The following IQSEC1 variants were observed in gnomAD, a reference collection of about 807,000 sequenced individuals.
IQSEC1 encodes IQ motif and SEC7 domain-containing protein 1.
A neutral mutation model predicts 91.0 loss-of-function variants in IQSEC1; 31 were observed. That is an observed-to-expected ratio of 0.34 (90% CI 0.26 to 0.46). The LOEUF is 0.46. IQSEC1 is among the 20% of genes least tolerant of loss of function. IQSEC1 has a pLI of 1.00. For missense variants in IQSEC1, 1,388 were observed against 1,575.6 expected (o/e 0.88, Z 2.02); for synonymous variants, 699 against 662.6 (o/e 1.05, Z -0.84).
In IQSEC1 at chr3:12,901,406, C is replaced by G; in HGVS notation, c.2922G>C (p.Gly974=). Residue 974 remains glycine, a synonymous_variant, in exon 14 of 14, where the codon GGG becomes GGC. Coordinates refer to ENST00000613206, the MANE Select transcript of IQSEC1 (RefSeq NM_001134382.3). The part of the protein sequence containing the change: ...NSSSLLGSLF[G]SKRGKPPPQA... ...GGGGAGGGGGCTTCCCTCTCTTGCT[C>G]CCGAATAAGGAGCCCAGGAGGGAAG... 6.5e-7 allele frequency: 1 copy of G among 1,545,850 alleles called. No homozygotes were observed. Among genetic ancestry groups the G allele is most frequent in the Non-Finnish European group, 8.7e-7 (1 of 1,146,422 alleles).
intron 1 of IQSEC1, among the ~76,000 whole-genome samples, chr3:13,031,142 C>A (rs1703827896): frequency 6.6e-6 from 1 of 152,222 alleles, no homozygotes; most frequent in African/African-American, 2.4e-5. Flanking sequence ...TAAAAACTGC[C>A]CCGTTTTTGT....
intron 2 of IQSEC1, among the ~76,000 whole-genome samples, chr3:13,095,561 C>T (rs1032087858): frequency 2.0e-5 from 3 of 152,206 alleles, no homozygotes; most frequent in South Asian, 2.1e-4. Context: ...ATAATCATTG[C>T]CACTCCCCCC....
At chr3:13,238,847 C>T (rs562767872) in intron 1 of IQSEC1, among the ~76,000 whole-genome samples, 1 of 152,318 alleles carries the variant, frequency 6.6e-6, no homozygotes, top group East Asian at 1.9e-4. Context: ...CCTGGGAGGG[C>T]TCTGGCCATT....
At chr3:13,028,455 C>A (rs777534783) in intron 1 of IQSEC1, among the ~76,000 whole-genome samples, 4 of 152,156 alleles carry the variant, frequency 2.6e-5, no homozygotes, top group Non-Finnish European at 4.4e-5. Flanking sequence ...GAAACAGGAT[C>A]CTGAGCAGCT....
rs541272054 is a variant in IQSEC1, at chr3:13,207,746, G to A, written c.273-43613C>T. On this transcript the variant is annotated intron_variant, in intron 1 of 15. Transcript: ENST00000648114. This position sits in a 1 kb window ranked among gnomAD's most constrained non-coding sequence, Gnocchi z 4.8. Reference sequence around the variant, plus strand: ...CGGCCACGCCATCGCCAGCTCTCCCGGGAGGCTCTCTCTCACCATCGCATC... The same window carrying A: ...CGGCCACGCCATCGCCAGCTCTCCCAGGAGGCTCTCTCTCACCATCGCATC... 4.6e-5 allele frequency among the ~76,000 whole-genome samples: 7 copies of A among 152,236 alleles called. No homozygotes were observed. In the East Asian group the frequency reaches 7.7e-4, roughly 17 times the overall value.
At chr3:13,024,195 C>T (rs1703516518) in intron 1 of IQSEC1, among the ~76,000 whole-genome samples, 1 of 152,172 alleles carries the variant, frequency 6.6e-6, no homozygotes, top group Non-Finnish European at 1.5e-5. Context: ...TTATCTCTAC[C>T]CACTGATTCA....
rs200169490 is a variant in IQSEC1, at chr3:12,915,595, G to A, written c.2159C>T (p.Pro720Leu). 225 of 1,613,954 alleles carry A rather than the reference G, an allele frequency of 1.4e-4. No homozygotes were observed. Among genetic ancestry groups the A allele is most frequent in the Admixed American group, 5.7e-4 (34 of 60,014 alleles). The stretch of plus-strand genomic sequence containing the variant: ...CACGTACCAGGGCCCATCACATACC[G>A]GCTTTTTCCCCACAATGAGCTTCTC... The part of the protein sequence containing the change: ...KVEKLIVGKK[P>L]IGSLHPGLGC... The change falls in exon 7 of 14, where the codon CCG becomes CTG. Residue 720 changes from proline (P) to leucine (L), a missense_variant and splice_region_variant. Pro to Leu is a moderately conservative substitution (Grantham distance 98). Transcript: ENST00000613206.
At position 13,103,516 on chromosome 3, in the gene IQSEC1, G is replaced by A. The variant is rs1053562816; in HGVS notation, c.303-55994C>T. 6.6e-6 allele frequency among the ~76,000 whole-genome samples: 1 copy of A among 152,008 alleles called. No individual in the cohort carries two copies. Among genetic ancestry groups the A allele is most frequent in the Non-Finnish European group, 1.5e-5 (1 of 68,010 alleles). On this transcript the variant is annotated intron_variant, in intron 2 of 15. Transcript: ENST00000648114. The surrounding 1 kb of genome is among the most constrained non-coding windows in gnomAD (Gnocchi z 4.1). ...CTGGATGCCATCCACACCTGTCCCC[G>A]AGGAAGGGGCTGGGCCCTTCACCAT... is the stretch of plus-strand genomic sequence containing the variant.
At chr3:13,066,460 T>C (rs1386419155) in intron 1 of IQSEC1, among the ~76,000 whole-genome samples, 1 of 152,142 alleles carries the variant, frequency 6.6e-6, no homozygotes, top group African/African-American at 2.4e-5. Context: ...CCCATTTGCC[T>C]GGGGGAGTCA....
intron 1 of IQSEC1, among the ~76,000 whole-genome samples, chr3:13,220,054 A>G (rs73134154): frequency 0.2 from 30,163 of 152,240 alleles, 4,223 homozygotes; most frequent in African/African-American, 0.38. Context: ...TCAGGCTGCC[A>G]CCACCCCCGT....
chr3:13,077,210 A>G (rs1368732498), upstream of IQSEC1, among the ~76,000 whole-genome samples: 4 of 152,124 alleles, frequency 2.6e-5, no homozygotes, highest in Admixed American at 2.6e-4. Context: ...ATTTTTTAAT[A>G]AAAGATTTAA....
chr3:12,901,879 C>T (rs1282451138), intron 13 of IQSEC1, among the ~76,000 whole-genome samples: 1 of 152,170 alleles, frequency 6.6e-6, no homozygotes, highest in Non-Finnish European at 1.5e-5. Context: ...TGTCTGTGCG[C>T]TGTGTGTGGC....
intron 1 of IQSEC1, among the ~76,000 whole-genome samples, chr3:12,943,303 G>A (rs1385119904): frequency 2.0e-5 from 3 of 152,212 alleles, no homozygotes; most frequent in Admixed American, 2.0e-4. Context: ...GCCCCTGGTG[G>A]GGCCATGCGG....
intron 2 of IQSEC1, among the ~76,000 whole-genome samples, chr3:13,157,989 T>C (rs749156126): frequency 4.6e-5 from 7 of 152,212 alleles, no homozygotes; most frequent in Non-Finnish European, 7.3e-5. Context: ...ATGAAGACTG[T>C]TAAATGAGTG....
At chr3:13,235,667 G>A (rs1034172480) in intron 1 of IQSEC1, among the ~76,000 whole-genome samples, 5 of 152,176 alleles carry the variant, frequency 3.3e-5, no homozygotes, top group African/African-American at 7.2e-5. Flanking sequence ...TGGCCCGGGC[G>A]GAGGAAGAAC....
intron 1 of IQSEC1, among the ~76,000 whole-genome samples, chr3:13,199,931 TCACA>T (rs752636736): frequency 1.1e-4 from 14 of 124,054 alleles, no homozygotes; most frequent in East Asian, 9.4e-4. Context: ...ACCACGCACG[TCACA>T]CACACACACA....
chr3:12,907,419 C>T (rs1406887006), intron 12 of IQSEC1, among the ~76,000 whole-genome samples: 2 of 152,204 alleles, frequency 1.3e-5, no homozygotes, highest in Non-Finnish European at 2.9e-5. Flanking sequence ...GCTCCTGGGG[C>T]AGACCTGCGT....
In IQSEC1 at chr3:13,214,524, C is replaced by T. The variant is rs1371179409; in HGVS notation, c.273-50391G>A. ...CAAATGGGAAACTCCCTTTCATGGC[C>T]TCCATTGCACGTGGGTGCAGCCTGG... On this transcript the variant is annotated intron_variant, in intron 1 of 15. Transcript: ENST00000648114. This position sits in a 1 kb window ranked among gnomAD's most constrained non-coding sequence, Gnocchi z 4.5. Among the ~76,000 whole-genome samples, 1 of 152,268 alleles carries T rather than the reference C, an allele frequency of 6.6e-6. No homozygotes were observed. The highest frequency in any genetic ancestry group is 1.9e-4 in the East Asian group (1 of 5,192).
intron 1 of IQSEC1, among the ~76,000 whole-genome samples, chr3:13,196,753 T>C (rs995446788): frequency 2.5e-4 from 7 of 28,074 alleles, no homozygotes; most frequent in African/African-American, 6.9e-4. Flanking sequence ...TGTGTGCGTG[T>C]GTGTGTGTGT....
Sources: allele counts gnomAD v4.1 joint callset (sites outside exome capture counted in the v4.1 genomes callset), GRCh38; gene constraint gnomAD v4.1.1; non-coding constraint Gnocchi (gnomAD v3.1); transcripts MANE v1.5; gene names NCBI Gene and HGNC (gene_info 2026-07-23, HGNC 2026-07-21).